QTGAL: variants seen among roughly 807,000 people sequenced by gnomAD.
QTGAL encodes BGnT-like protein 1.
the QTGAL span, chr17:82,956,882 G>T: frequency 7.8e-7 from 1 of 1,279,594 alleles, no homozygotes. The surrounding 1 kb of genome is among the most constrained non-coding windows in gnomAD (Gnocchi z 5.7). Flanking sequence ...CAGGGCTTGG[G>T]CAGCAGATAA....
At chr17:83,009,255 C>T in the QTGAL span, among the ~76,000 whole-genome samples, 1 of 152,068 alleles carries the variant, frequency 6.6e-6, no homozygotes, top group African/African-American at 2.4e-5. Context: ...AACCCTATCT[C>T]TACTAAAAAT....
the QTGAL span, among the ~76,000 whole-genome samples, chr17:82,946,569 A>AGTGCGTGTGTGTGT: frequency 1.1e-4 from 16 of 150,192 alleles, no homozygotes; most frequent in African/African-American, 3.9e-4. Context: ...ACAGAACCCA[A>AGTGCGTGTGTGTGT]GTGTGTGTGT....
the QTGAL span, chr17:82,960,987 G>A: frequency 2.0e-6 from 3 of 1,532,556 alleles, no homozygotes. Context: ...ACCAACCCCG[G>A]CCCCGACCTC....
the QTGAL span, among the ~76,000 whole-genome samples, chr17:83,034,036 GT>G: frequency 2.0e-5 from 3 of 151,936 alleles, no homozygotes; most frequent in South Asian, 6.2e-4. Flanking sequence ...CGCCTCCTGG[GT>G]TCAAGCGATT....
the QTGAL span, among the ~76,000 whole-genome samples, chr17:82,961,793 C>T: frequency 6.6e-6 from 1 of 152,246 alleles, no homozygotes; most frequent in Non-Finnish European, 1.5e-5. Context: ...TGCTCCAGAA[C>T]ATTCTGCAGG....
chr17:82,994,090 C>T, the QTGAL span, among the ~76,000 whole-genome samples: 2 of 152,038 alleles, frequency 1.3e-5, no homozygotes, highest in East Asian at 3.9e-4. Context: ...CCTAACAATG[C>T]ATCTTAAGCA....
chr17:82,944,691 T>TG, the QTGAL span: 1 of 152,212 alleles, frequency 6.6e-6, no homozygotes. Flanking sequence ...GGGGAGCTGA[T>TG]GTGGGATTTG....
chr17:83,026,628 G>A, the QTGAL span, among the ~76,000 whole-genome samples: 84,286 of 100,352 alleles, frequency 0.84, 34,210 homozygotes, highest in Admixed American at 0.85. Context: ...ACAGAGGAGG[G>A]CAGGAAGCCT....
At chr17:83,049,016 G>A in the QTGAL span, 1 of 502,716 alleles carries the variant, frequency 2.0e-6, no homozygotes. Flanking sequence ...GACTTTGGGA[G>A]GCCGAGGTGG....
chr17:83,007,359 GCATAGCATC>G, the QTGAL span: 2 of 781,776 alleles, frequency 2.6e-6, no homozygotes, highest in East Asian at 2.5e-4. Context: ...TGTGCATCCT[GCATAGCATC>G]TACCTACGTA....
At chr17:82,973,479 G>A in the QTGAL span, among the ~76,000 whole-genome samples, 222 of 152,244 alleles carry the variant, frequency 1.5e-3, 1 homozygote, top group African/African-American at 5.0e-3. Flanking sequence ...GCGCTCCTGA[G>A]AATGGAAAAG....
the QTGAL span, chr17:82,942,357 C>A: frequency 6.3e-7 from 1 of 1,579,550 alleles, no homozygotes; most frequent in Non-Finnish European, 8.7e-7. Flanking sequence ...CGTGTCAGTC[C>A]CCACACAGGG....
chr17:83,040,981 G>A, the QTGAL span, among the ~76,000 whole-genome samples: 2 of 151,804 alleles, frequency 1.3e-5, no homozygotes, highest in African/African-American at 4.8e-5. Context: ...CAGGAGAATG[G>A]CGTGAACTTG....
chr17:82,977,282 A>G, the QTGAL span, among the ~76,000 whole-genome samples: 1 of 152,144 alleles, frequency 6.6e-6, no homozygotes, highest in Non-Finnish European at 1.5e-5. Flanking sequence ...CCGCCCCGAC[A>G]CGGACCGTGT....
chr17:83,030,514 C>A, the QTGAL span, among the ~76,000 whole-genome samples: 1 of 152,212 alleles, frequency 6.6e-6, no homozygotes, highest in Non-Finnish European at 1.5e-5. Context: ...GGGTTCTAGA[C>A]GGCACTGCTG....
the QTGAL span, chr17:83,005,346 C>T: frequency 2.6e-6 from 2 of 761,954 alleles, no homozygotes; most frequent in South Asian, 1.8e-5. The surrounding 1 kb of genome is among the most constrained non-coding windows in gnomAD (Gnocchi z 5.6). Context: ...AAATCTGGGT[C>T]AGGCAAACAC....
the QTGAL span, among the ~76,000 whole-genome samples, chr17:83,038,008 G>C: frequency 6.6e-6 from 1 of 152,194 alleles, no homozygotes; most frequent in Admixed American, 6.5e-5. Context: ...CTGGAGAGAA[G>C]AGTGGGGATT....
the QTGAL span, among the ~76,000 whole-genome samples, chr17:82,970,156 A>AC: frequency 6.6e-6 from 1 of 152,144 alleles, no homozygotes; most frequent in East Asian, 1.9e-4. Context: ...GCCCCCTGGG[A>AC]CATCAGGAAG....
At chr17:82,975,753 A>G in the QTGAL span, among the ~76,000 whole-genome samples, 1 of 95,488 alleles carries the variant, frequency 1.0e-5, no homozygotes. Flanking sequence ...CCTCCCAGGG[A>G]CCAGAGGCCA....
Sources: gnomAD v4.1 joint callset for allele counts (sites outside exome capture counted in the v4.1 genomes callset) on GRCh38, gnomAD v4.1.1 for gene constraint, Gnocchi (gnomAD v3.1) non-coding constraint, MANE v1.5 for transcripts, NCBI Gene and HGNC (gene_info 2026-07-23, HGNC 2026-07-21) for gene names.